The following CENPE variants were observed in gnomAD, a reference collection of about 807,000 sequenced individuals.
CENPE encodes centromere protein E.
CENPE carries 145 observed loss-of-function variants against 336.1 expected under a neutral mutation model. The ratio of observed to expected loss-of-function variants is 0.43; its 90% CI spans 0.38 to 0.50. The LOEUF is 0.50. Ranked by LOEUF, CENPE falls within the 20% of genes least tolerant of loss-of-function variation. CENPE has a pLI of 0.00. For synonymous variants in CENPE, 1,013 were observed against 984.8 expected, an observed-to-expected ratio of 1.03 and a Z score of -0.54; for missense variants, 2,719 against 3,023.3, an observed-to-expected ratio of 0.90 and a Z score of 2.36.
At position 103,158,888 on chromosome 4, in the gene CENPE, T is replaced by A. The variant is rs1560642432; in HGVS notation, c.2602-2A>T. 1 of 1,590,620 alleles carries A rather than the reference T, an allele frequency of 6.3e-7. No homozygotes were observed. The highest frequency in any genetic ancestry group is 8.5e-7 in the Non-Finnish European group (1 of 1,173,684). On this transcript the variant is annotated splice_acceptor_variant, in intron 22 of 48. Transcript: ENST00000265148. LOFTEE classifies it high-confidence loss of function. ...AAGTTCTTGGGTCTTGTAAGAAAGC[T>A]TTAAAAAAGAAAAAGTAAATGTCAC... is the stretch of plus-strand genomic sequence containing the variant.
chr4:103,122,434 T>C (rs916080163), intron 43 of CENPE, among the ~76,000 whole-genome samples: 1 of 152,160 alleles, frequency 6.6e-6, no homozygotes, highest in African/African-American at 2.4e-5. Flanking sequence ...TTTTAACCTC[T>C]TATATTTTTA....
chr4:103,193,717 A>G (rs771212970), intron 8 of CENPE, among the ~76,000 whole-genome samples: 69 of 152,234 alleles, frequency 4.5e-4, no homozygotes, highest in Non-Finnish European at 7.5e-4. Context: ...TGAATGCAGT[A>G]TCACTCCTCA....
In CENPE at chr4:103,132,954, TTTTA is replaced by T. The variant is rs1300761985; in HGVS notation, c.6721-62_6721-59del. On this transcript the variant is annotated intron_variant, in intron 41 of 48. Transcript: ENST00000265148. ...CATTAGGAAAGTTTTGATCCAAATA[TTTTA>T]TTTATATATATATATATATATATAT... The T allele has an allele frequency of 3.1e-4, 60 of 192,340 alleles. No individual in the cohort carries two copies. In the African/African-American group the frequency reaches 3.4e-3, roughly 11 times the overall value. The allele number at this position is 192,340 out of a possible 1,614,324, so 11.9% of individuals were successfully genotyped here. A position where few individuals can be genotyped will look rare whatever the true frequency, so the allele number is the denominator to read the frequency against.
At position 103,111,001 on chromosome 4, in the gene CENPE, T is replaced by C. The variant is rs1259890161; in HGVS notation, c.7551A>G (p.Glu2517=). Reference sequence around the variant, plus strand: ...TATTTGAAGGCTGAGGATCAGTATGTTCTGATATCACTGTGGGAGGAAAAT... The same window carrying C: ...TATTTGAAGGCTGAGGATCAGTATGCTCTGATATCACTGTGGGAGGAAAAT... ...QQAQDTSVIS[E]HTDPQPSNKP... is the part of the protein sequence containing the mutation. The change falls in exon 47 of 49, where the codon GAA becomes GAG. Residue 2517 remains glutamate, a synonymous_variant. Coordinates refer to ENST00000265148, the MANE Select transcript of CENPE (RefSeq NM_001813.3). 1 of 1,579,124 alleles carries C rather than the reference T, an allele frequency of 6.3e-7. No homozygotes were observed. Among genetic ancestry groups the C allele is most frequent in the Admixed American group, 1.9e-5 (1 of 51,798 alleles).
intron 42 of CENPE, among the ~76,000 whole-genome samples, chr4:103,130,911 G>GAAAA (rs59305096): frequency 8.4e-5 from 9 of 106,806 alleles, no homozygotes; most frequent in South Asian, 2.9e-4. Flanking sequence ...TTCTACAAGC[G>GAAAA]AAAAAAAAAA....
intron 14 of CENPE, 109 bp downstream of exon 14, chr4:103,176,790 T>C (rs1246058744): frequency 7.5e-6 from 6 of 797,574 alleles, no homozygotes; most frequent in African/African-American, 1.8e-5. Context: ...ACATATGAAA[T>C]ACACAGTATT....
chr4:103,140,093 T>C lies in CENPE; in HGVS notation c.5914-14A>G. ...AAGTTCTTGGATCTTGAGATAATTG[T>C]AAAACAAGTTAGAATGTAAGCAGTT... On this transcript the variant is annotated splice_polypyrimidine_tract_variant and intron_variant, in intron 37 of 48. Transcript: ENST00000265148. 6.3e-7 allele frequency: 1 copy of C among 1,585,874 alleles called. No homozygotes were observed. Among genetic ancestry groups the C allele is most frequent in the Non-Finnish European group, 8.6e-7 (1 of 1,167,342 alleles).
chr4:103,109,559 TC>T (rs1261683999), intron 47 of CENPE, among the ~76,000 whole-genome samples: 1 of 152,150 alleles, frequency 6.6e-6, no homozygotes, highest in African/African-American at 2.4e-5. Flanking sequence ...ATCCAGTTCC[TC>T]CGGAGAGAAA....
intron 16 of CENPE, among the ~76,000 whole-genome samples, chr4:103,174,339 G>C (rs1183863880): frequency 6.6e-6 from 1 of 151,906 alleles, no homozygotes; most frequent in Non-Finnish European, 1.5e-5. Context: ...TTGGAGGCTG[G>C]GGTGTTTTTC....
At chr4:103,181,246 T>C (rs777119541) in intron 12 of CENPE, 91 bp downstream of exon 12, 3 of 835,876 alleles carry the variant, frequency 3.6e-6, no homozygotes, top group Non-Finnish European at 3.4e-6. Context: ...GCAACTCAGA[T>C]ATTCAGGAAT....
Position 103,145,316 on chromosome 4 carries a change from T to A in CENPE, c.4591A>T (p.Lys1531Ter). ...TGTTTTATATTAAATTGTTCCTCTT[T>A]CTCATAAATCTCTTGGATCTTAAAC... ...LQNKIQEIYEKEEQFNIKQIS... is the reference protein window; with the variant it reads ...LQNKIQEIYE The change falls in exon 32 of 49, where the codon AAA becomes TAA. Residue 1531 changes from lysine to a stop codon, truncating the protein, a stop_gained. Coordinates refer to ENST00000265148, the MANE Select transcript of CENPE (RefSeq NM_001813.3). LOFTEE classifies it high-confidence loss of function. 3 of 1,551,864 alleles carry A rather than the reference T, an allele frequency of 1.9e-6. No individual in the cohort carries two copies. The highest frequency in any genetic ancestry group is 2.6e-6 in the Non-Finnish European group (3 of 1,134,048).
At chr4:103,189,332 C>A (rs577637920) in intron 8 of CENPE, among the ~76,000 whole-genome samples, 8 of 152,238 alleles carry the variant, frequency 5.3e-5, no homozygotes, top group Non-Finnish European at 1.2e-4. Flanking sequence ...GGCAGAGACA[C>A]AACAACAAAA....
intron 41 of CENPE, 49 bp downstream of exon 41, chr4:103,133,646 T>G (rs760441633): frequency 4.8e-6 from 6 of 1,257,080 alleles, no homozygotes; most frequent in Non-Finnish European, 5.7e-6. Flanking sequence ...CCTTTCTACT[T>G]GATAAAAAGG....
intron 8 of CENPE, among the ~76,000 whole-genome samples, chr4:103,193,731 G>C (rs566457997): frequency 1.3e-5 from 2 of 152,136 alleles, no homozygotes; most frequent in South Asian, 4.1e-4. Flanking sequence ...CTCCTCAATG[G>C]ATTTACAGTC....
rs775751283 is a variant in CENPE at position 103,145,266 on chromosome 4, C to G, written c.4641G>C (p.Val1547=). 1.4e-5 allele frequency: 23 copies of G among 1,611,140 alleles called. No homozygotes were observed. The highest frequency in any genetic ancestry group is 1.9e-5 in the Non-Finnish European group (22 of 1,177,808). Residue 1547 remains valine, a synonymous_variant, in exon 32 of 49, where the codon GTG becomes GTC. Transcript: ENST00000265148. ...IKQISEVQEK[V]NELKQFKEHR... ...GCTCCTTGAATTGTTTCAGTTCATT[C>G]ACTTTTTCCTGAACCTCACTAATTT... is the stretch of plus-strand genomic sequence containing the variant.
At chr4:103,163,319 C>A (rs1754615310) in intron 17 of CENPE, 63 bp from the exon 18 acceptor site, 4 of 1,436,162 alleles carry the variant, frequency 2.8e-6, no homozygotes, top group Non-Finnish European at 3.8e-6. Flanking sequence ...GGGATTAAAA[C>A]AGAACTTATA....
intron 8 of CENPE, 115 bp from the exon 9 acceptor site, chr4:103,185,976 T>A (rs1313244093): frequency 6.5e-6 from 4 of 614,752 alleles, no homozygotes; most frequent in African/African-American, 1.9e-5. Flanking sequence ...TCTGTATCCA[T>A]GTCTCCCATG....
At chr4:103,126,148 T>G (rs1560602933) in intron 42 of CENPE, among the ~76,000 whole-genome samples, 1 of 152,104 alleles carries the variant, frequency 6.6e-6, no homozygotes, top group Non-Finnish European at 1.5e-5. Context: ...GACCTAGTCA[T>G]ACAGTGGCCG....
Position 103,139,971 on chromosome 4 carries a change from C to A in CENPE, c.6022G>T (p.Ala2008Ser). 1.2e-6 allele frequency: 2 copies of A among 1,613,300 alleles called. No individual in the cohort carries two copies. The highest frequency in any genetic ancestry group is 1.7e-6 in the Non-Finnish European group (2 of 1,179,602). ...ACACTTTGCATAGATAAGTTTTGGG[C>A]CTCAAATTGCTTCTTCAACTGTTCC... ...EMEQLKKQFE[A>S]QNLSMQSVRM... The change falls in exon 38 of 49, where the codon GCC becomes TCC. Residue 2008 changes from alanine (A) to serine (S), a missense_variant. Physicochemically the swap from Ala to Ser is moderately conservative, Grantham distance 99 (BLOSUM62 1). Transcript: ENST00000265148.
Sources: allele counts gnomAD v4.1 joint callset (sites outside exome capture counted in the v4.1 genomes callset), GRCh38; gene constraint gnomAD v4.1.1; transcripts MANE v1.5; gene names NCBI Gene and HGNC (gene_info 2026-07-23, HGNC 2026-07-21).